The following IL13 variants were observed in gnomAD, a reference collection of about 807,000 sequenced individuals.
The protein encoded by IL13 is interleukin 13, also known as interleukin-13.
In IL13, 9 loss-of-function variants were observed where a neutral mutation model predicts 11.1. The ratio of observed to expected loss-of-function variants is 0.81; its 90% CI spans 0.49 to 1.42. The LOEUF (loss-of-function observed/expected upper bound fraction) is 1.42, where lower values mean the gene tolerates loss of function less well. Among genes scored for constraint, IL13 ranks in the 40% most tolerant of loss-of-function variants. The pLI is 0.00. For synonymous variants in IL13, 75 were observed against 76.9 expected (o/e 0.97, Z 0.13); for missense variants, 181 against 182.5 (o/e 0.99, Z 0.05).
Position 132,660,449 on chromosome 5 carries a change from G to GCCGA in IL13, c.*170_*173dup. ...GCCTGTGCTGCCCGTCTTCAGCCTA[G>GCCGA]CCGACCTCAGCCTTCCCCTTGCCCA... On this transcript the variant is annotated 3_prime_UTR_variant, in exon 4 of 4. Coordinates refer to ENST00000304506, the MANE Select transcript of IL13 (RefSeq NM_002188.3). The GCCGA allele has an allele frequency of 8.4e-7, 1 of 1,186,782 alleles. No individual in the cohort carries two copies. Among genetic ancestry groups the GCCGA allele is most frequent in the South Asian group, 1.6e-5 (1 of 62,552 alleles). 73.5% of individuals were successfully genotyped at this position (1,186,782 alleles called of 1,614,324 possible).
chr5:132,658,431 A>T (rs1752081572), intron 1 of IL13, 71 bp downstream of exon 1: 6 of 930,938 alleles, frequency 6.4e-6, no homozygotes, highest in African/African-American at 1.7e-5. Context: ...TGAGGTCATG[A>T]GCAGGCTGGG....
At position 132,659,399 on chromosome 5, in the gene IL13, T is replaced by C; in HGVS notation, c.175-19T>C. ...CAACCCCTGCCAGCACTCTGCTCAC[T>C]GTCACTTTGCTCCCACAGGCTCCGC... On this transcript the variant is annotated intron_variant, in intron 1 of 3. Coordinates refer to ENST00000304506, the MANE Select transcript of IL13 (RefSeq NM_002188.3). The surrounding 1 kb of genome is among the most constrained non-coding windows in gnomAD (Gnocchi z 4.1). 6.3e-7 allele frequency: 1 copy of C among 1,593,830 alleles called. No individual in the cohort carries two copies. The highest frequency in any genetic ancestry group is 8.6e-7 in the Non-Finnish European group (1 of 1,167,196).
chr5:132,658,321 G>A lies in IL13; in HGVS notation c.135G>A (p.Glu45=). Residue 45 remains glutamate (E), a synonymous_variant, in exon 1 of 4, where the codon GAG becomes GAA. Transcript: ENST00000304506. ...TGCCTCCCTCTACAGCCCTCAGGGA[G>A]CTCATTGAGGAGCTGGTCAACATCA... is the stretch of plus-strand genomic sequence containing the variant. ...GPVPPSTALR[E]LIEELVNITQ... 1 of 1,612,178 alleles carries A rather than the reference G, an allele frequency of 6.2e-7. No homozygotes were observed.
intron 1 of IL13, chr5:132,658,745 T>C (rs1489466768): frequency 5.1e-6 from 1 of 194,890 alleles, no homozygotes; most frequent in Non-Finnish European, 1.0e-5. Flanking sequence ...AGCACCATCA[T>C]AGGCCCGCCC....
upstream of IL13, chr5:132,657,362 A>G (rs909413556): frequency 6.6e-6 from 1 of 152,174 alleles, no homozygotes; most frequent in African/African-American, 2.4e-5. Flanking sequence ...TGGCCCATAC[A>G]CTTTAAATTA....
Position 132,660,189 on chromosome 5 carries a change from G to T in IL13, c.348G>T (p.Leu116Phe). 6.2e-7 allele frequency: 1 copy of T among 1,614,110 alleles called. No individual in the cohort carries two copies. The highest frequency in any genetic ancestry group is 1.1e-5 in the South Asian group (1 of 91,076). ...TTGTCCTGCAGCAGTTTTCCAGCTT[G>T]CATGTCCGAGACACCAAAATCGAGG... Reference protein sequence around the residue: ...HKVSAGQFSSLHVRDTKIEVA... With the variant: ...HKVSAGQFSSFHVRDTKIEVA... The change falls in exon 4 of 4, where the codon TTG (leucine) becomes TTT (phenylalanine). Residue 116 changes from leucine (L) to phenylalanine (F), a missense_variant. By Grantham distance (22) the Leu-to-Phe change is conservative. Transcript: ENST00000304506.
Position 132,659,523 on chromosome 5 carries a change from C to T in IL13, c.228+52C>T. ...TGGGGCAGAGGCTCCAGGCCTTGGGCTTATCTTCTCTGAGCCTCCCTTCCA... is the reference window on the plus strand; with the variant it reads ...TGGGGCAGAGGCTCCAGGCCTTGGGTTTATCTTCTCTGAGCCTCCCTTCCA... On this transcript the variant is annotated intron_variant, in intron 2 of 3. Transcript: ENST00000304506. This position sits in a 1 kb window ranked among gnomAD's most constrained non-coding sequence, Gnocchi z 4.1. 2 of 1,567,666 alleles carry T rather than the reference C, an allele frequency of 1.3e-6. No homozygotes were observed. Among genetic ancestry groups the T allele is most frequent in the East Asian group, 2.3e-5 (1 of 44,384 alleles).
At chr5:132,656,625 A>G (rs1168281400), upstream of IL13, 1 of 152,754 alleles carries the variant, frequency 6.5e-6, no homozygotes, top group Non-Finnish European at 1.5e-5. Context: ...AGTTGCACAG[A>G]CCAAGGTAGT....
rs200155765 is a variant in IL13, at chr5:132,659,505, G to C, written c.228+34G>C. ...CTTTGGGTGCAGGGAGGATGGGGCA[G>C]AGGCTCCAGGCCTTGGGCTTATCTT... On this transcript the variant is annotated intron_variant, in intron 2 of 3. Transcript: ENST00000304506. This position sits in a 1 kb window ranked among gnomAD's most constrained non-coding sequence, Gnocchi z 4.1. The C allele has an allele frequency of 2.4e-4, 387 of 1,591,158 alleles. 2 individuals are homozygous for C. In the Middle Eastern group the frequency reaches 4.0e-3, roughly 16 times the overall value.
In IL13 at chr5:132,660,121, G is replaced by A. The variant is rs2069748; in HGVS notation, c.334-54G>A. 2.6e-3 allele frequency: 4,100 copies of A among 1,565,520 alleles called. 82 individuals carry two copies. The African/African-American group carries it at 0.048, about 18-fold the overall frequency. On this transcript the variant is annotated intron_variant, in intron 3 of 3. Transcript: ENST00000304506. ...TCCCTGGAAAGCCCCTGGTTTGTGCGAGTCGTCCCGGCCTCTGGCGTTCTA... is the reference window on the plus strand; with the variant it reads ...TCCCTGGAAAGCCCCTGGTTTGTGCAAGTCGTCCCGGCCTCTGGCGTTCTA...
At position 132,659,438 on chromosome 5, in the gene IL13, C is replaced by T. The variant is rs1202128639; in HGVS notation, c.195C>T (p.Ser65=). ...QNQKAPLCNG[S]MVWSINLTAG... Reference sequence around the variant, plus strand: ...CACAGGCTCCGCTCTGCAATGGCAGCATGGTATGGAGCATCAACCTGACAG... The same window carrying T: ...CACAGGCTCCGCTCTGCAATGGCAGTATGGTATGGAGCATCAACCTGACAG... Residue 65 remains serine (S), a synonymous_variant, in exon 2 of 4, where the codon AGC becomes AGT. Transcript: ENST00000304506. This position sits in a 1 kb window ranked among gnomAD's most constrained non-coding sequence, Gnocchi z 4.1. 1 of 1,611,546 alleles carries T rather than the reference C, an allele frequency of 6.2e-7. No homozygotes were observed.
In IL13 at chr5:132,660,196, C is replaced by T. The variant is rs756919832; in HGVS notation, c.355C>T (p.Arg119Ter). Residue 119 changes from arginine (R) to a stop codon, truncating the protein, a stop_gained, in exon 4 of 4, where the codon CGA becomes TGA. Transcript: ENST00000304506. LOFTEE classifies it high-confidence loss of function. ...SAGQFSSLHV[R>*]DTKIEVAQFV... ...GCAGCAGTTTTCCAGCTTGCATGTC[C>T]GAGACACCAAAATCGAGGTGGCCCA... 8.1e-6 allele frequency: 13 copies of T among 1,613,976 alleles called. No individual in the cohort carries two copies. Among genetic ancestry groups the T allele is most frequent in the East Asian group, 2.2e-5 (1 of 44,896 alleles).
At position 132,659,702 on chromosome 5, in the gene IL13, C is replaced by T. The variant is rs201469726; in HGVS notation, c.229-22C>T. On this transcript the variant is annotated intron_variant, in intron 2 of 3. Coordinates refer to ENST00000304506, the MANE Select transcript of IL13 (RefSeq NM_002188.3). The surrounding 1 kb of genome is among the most constrained non-coding windows in gnomAD (Gnocchi z 4.1). ...GCAGCTGCCCAAGCAGGGCCTGACC[C>T]CTCGGTGTCCCCTCCCCACAGTACT... 3.7e-6 allele frequency: 6 copies of T among 1,611,862 alleles called. No individual in the cohort carries two copies. In the East Asian group the frequency reaches 1.3e-4, roughly 36 times the overall value.
In IL13 at chr5:132,659,433, G is replaced by A. The variant is rs199869056; in HGVS notation, c.190G>A (p.Gly64Ser). 26 of 1,611,088 alleles carry A rather than the reference G, an allele frequency of 1.6e-5. No individual in the cohort carries two copies. The African/African-American group carries it at 3.1e-4, about 19-fold the overall frequency. The change falls in exon 2 of 4, where the codon GGC becomes AGC. Residue 64 changes from glycine (G) to serine (S), a missense_variant. Gly to Ser is a moderately conservative substitution (Grantham distance 56, BLOSUM62 0). Coordinates refer to ENST00000304506, the MANE Select transcript of IL13 (RefSeq NM_002188.3). This position sits in a 1 kb window ranked among gnomAD's most constrained non-coding sequence, Gnocchi z 4.1. ...GCTCCCACAGGCTCCGCTCTGCAAT[G>A]GCAGCATGGTATGGAGCATCAACCT... ...TQNQKAPLCN[G>S]SMVWSINLTA... is the part of the protein sequence containing the mutation.
upstream of IL13, among the ~76,000 whole-genome samples, chr5:132,657,689 CAAGT>C (rs760844125): frequency 3.3e-5 from 5 of 152,198 alleles, no homozygotes; most frequent in East Asian, 1.9e-4. Flanking sequence ...TGTATCCAAG[CAAGT>C]GTTACTTAAG....
At chr5:132,660,125 C>T (rs1752120941) in intron 3 of IL13, 50 bp from the exon 4 acceptor site, 3 of 1,570,844 alleles carry the variant, frequency 1.9e-6, no homozygotes, top group Admixed American at 1.7e-5. Flanking sequence ...TTGTGCGAGT[C>T]GTCCCGGCCT....
Position 132,659,493 on chromosome 5 carries a change from G to T in IL13, c.228+22G>T. 1 of 1,603,242 alleles carries T rather than the reference G, an allele frequency of 6.2e-7. No individual in the cohort carries two copies. Among genetic ancestry groups the T allele is most frequent in the South Asian group, 1.1e-5 (1 of 90,208 alleles). ...CATGGTAAGGACCTTTGGGTGCAGG[G>T]AGGATGGGGCAGAGGCTCCAGGCCT... On this transcript the variant is annotated intron_variant, in intron 2 of 3. Transcript: ENST00000304506. The surrounding 1 kb of genome is among the most constrained non-coding windows in gnomAD (Gnocchi z 4.1).
Position 132,658,305 on chromosome 5 carries a change from C to G in IL13, c.119C>G (p.Ser40Cys), listed in dbSNP as rs1358582586. ...GFASPGPVPP[S>C]TALRELIEEL... Reference sequence around the variant, plus strand: ...GCCTCCCCAGGCCCTGTGCCTCCCTCTACAGCCCTCAGGGAGCTCATTGAG... The same window carrying G: ...GCCTCCCCAGGCCCTGTGCCTCCCTGTACAGCCCTCAGGGAGCTCATTGAG... The change falls in exon 1 of 4, where the codon TCT (serine) becomes TGT (cysteine). Residue 40 changes from serine to cysteine, a missense_variant. Coordinates refer to ENST00000304506, the MANE Select transcript of IL13 (RefSeq NM_002188.3). 3 of 1,611,262 alleles carry G rather than the reference C, an allele frequency of 1.9e-6. No homozygotes were observed. The East Asian group carries it at 6.7e-5, about 36-fold the overall frequency.
chr5:132,658,571 C>G lies in IL13; in HGVS notation c.174+211C>G, dbSNP rs1422221785. On this transcript the variant is annotated intron_variant, in intron 1 of 3. Transcript: ENST00000304506. ...TGGACCTATGGAGGTGTCTGGCAGA[C>G]TCCCCAGGGACTACCTGCTCTCCTG... 8.3e-6 allele frequency: 4 copies of G among 481,234 alleles called. No individual in the cohort carries two copies. In the Middle Eastern group the frequency reaches 2.1e-3, roughly 255 times the overall value. The allele number at this position is 481,234 out of a possible 1,614,324, so 29.8% of individuals were successfully genotyped here. A position where few individuals can be genotyped will look rare whatever the true frequency, so the allele number is the denominator to read the frequency against.
Sources: allele counts gnomAD v4.1 joint callset (sites outside exome capture counted in the v4.1 genomes callset), GRCh38; gene constraint gnomAD v4.1.1; non-coding constraint Gnocchi (gnomAD v3.1); transcripts MANE v1.5; gene names NCBI Gene and HGNC (gene_info 2026-07-23, HGNC 2026-07-21).